The following GAL3ST2 variants were observed in gnomAD, a reference collection of about 807,000 sequenced individuals.
The protein encoded by GAL3ST2 is beta-galactose-3-O-sulfotransferase 2.
Under a neutral mutation model 12.9 loss-of-function variants are expected in GAL3ST2, and 16 were observed. That is an observed-to-expected ratio of 1.24 (90% CI 0.84 to 1.88). GAL3ST2 has a LOEUF of 1.88. Ranked by LOEUF, GAL3ST2 falls within the 40% of genes most tolerant of loss-of-function variation. GAL3ST2 has a pLI of 0.00. For missense variants in GAL3ST2, 639 were observed against 571.8 expected, an observed-to-expected ratio of 1.12 and a Z score of -1.20; for synonymous variants, 302 against 273.9, an observed-to-expected ratio of 1.10 and a Z score of -1.01.
chr2:241,776,910 G>T lies in GAL3ST2; in HGVS notation c.-46G>T, dbSNP rs979927461. Reference sequence around the variant, plus strand: ...GGGGCCGAGGCGGTGGGACCTCGGGGGAGCTCAAGCCTCGACTGTCCCCTC... The same window carrying T: ...GGGGCCGAGGCGGTGGGACCTCGGGTGAGCTCAAGCCTCGACTGTCCCCTC... On this transcript the variant is annotated 5_prime_UTR_variant, in exon 1 of 4. Transcript: ENST00000192314. The T allele has an allele frequency of 3.2e-5, 47 of 1,448,724 alleles. No homozygotes were observed. Among genetic ancestry groups the T allele is most frequent in the Non-Finnish European group, 4.2e-5 (46 of 1,088,918 alleles). 89.7% of individuals were successfully genotyped at this position (1,448,724 alleles called of 1,614,324 possible). A position where few individuals can be genotyped will look rare whatever the true frequency, so the allele number is the denominator to read the frequency against.
chr2:241,802,077 T>G lies in GAL3ST2; in HGVS notation c.375+41T>G, dbSNP rs1347172740. 6.4e-7 allele frequency: 1 copy of G among 1,561,016 alleles called. No homozygotes were observed. The highest frequency in any genetic ancestry group is 8.7e-7 in the Non-Finnish European group (1 of 1,153,118). On this transcript the variant is annotated intron_variant, in intron 3 of 3. Transcript: ENST00000192314. This position sits in a 1 kb window ranked among gnomAD's most constrained non-coding sequence, Gnocchi z 4.8. ...TGGGGAGGAGGGCGGGCTGCAGCCG[T>G]GCCTGTGGCTGTGGGTCTGGGTGGT... is the stretch of plus-strand genomic sequence containing the variant.
At position 241,804,089 on chromosome 2, in the gene GAL3ST2, C is replaced by G. The variant is rs1307324679; in HGVS notation, c.1120C>G (p.Leu374Val). Residue 374 changes from leucine (L) to valine (V), a missense_variant, in exon 4 of 4, where the codon CTC becomes GTC. Leu to Val is a conservative substitution (Grantham distance 32). Transcript: ENST00000192314. ...GVCQRLVMPE[L>V]QYMARLYALQ... The stretch of plus-strand genomic sequence containing the variant: ...GTGCCAGAGGCTTGTGATGCCTGAG[C>G]TCCAGTACATGGCCCGCCTGTACGC... 33 of 1,536,714 alleles carry G rather than the reference C, an allele frequency of 2.1e-5. No homozygotes were observed. Among genetic ancestry groups the G allele is most frequent in the Non-Finnish European group, 2.7e-5 (31 of 1,141,934 alleles).
Position 241,800,272 on chromosome 2 carries a change from A to C in GAL3ST2, c.119+1118A>C, listed in dbSNP as rs1276382082. On this transcript the variant is annotated intron_variant, in intron 2 of 3. Coordinates refer to ENST00000192314, the MANE Select transcript of GAL3ST2 (RefSeq NM_022134.3). This position sits in a 1 kb window ranked among gnomAD's most constrained non-coding sequence, Gnocchi z 5.2. The stretch of plus-strand genomic sequence containing the variant: ...TGTGGAGAGGACACTTTGTTTCTTA[A>C]AAAGTGTGGACATCCCACAGGCTGG... Among the ~76,000 whole-genome samples, 1 of 150,210 alleles carries C rather than the reference A, an allele frequency of 6.7e-6. No homozygotes were observed. Among genetic ancestry groups the C allele is most frequent in the Non-Finnish European group, 1.5e-5 (1 of 67,940 alleles).
rs770453961 is a variant in GAL3ST2, at chr2:241,801,780, G to C, written c.120-1G>C. On this transcript the variant is annotated splice_acceptor_variant, in intron 2 of 3. Transcript: ENST00000192314. LOFTEE classifies it high-confidence loss of function. This position sits in a 1 kb window ranked among gnomAD's most constrained non-coding sequence, Gnocchi z 4.4. ...AAGGCTGCGTGTGCCTTCCCTCCCA[G>C]CCTGTTTGGGGGCCAGGCTGAGGGG... 1 of 1,612,038 alleles carries C rather than the reference G, an allele frequency of 6.2e-7. No homozygotes were observed. Among genetic ancestry groups the C allele is most frequent in the Admixed American group, 1.7e-5 (1 of 60,000 alleles).
rs1484110363 is a variant in GAL3ST2 at position 241,802,733 on chromosome 2, A to C, written c.376-612A>C. On this transcript the variant is annotated intron_variant, in intron 3 of 3. Coordinates refer to ENST00000192314, the MANE Select transcript of GAL3ST2 (RefSeq NM_022134.3). This position sits in a 1 kb window ranked among gnomAD's most constrained non-coding sequence, Gnocchi z 4.8. The stretch of plus-strand genomic sequence containing the variant: ...TCTCTCCCTGGGTTTCTGAGGATGG[A>C]GAAGCAGGCGGTGTAGTTGGGCGTG... Among the ~76,000 whole-genome samples the C allele has an allele frequency of 6.6e-6, 1 of 151,944 alleles. No homozygotes were observed. Among genetic ancestry groups the C allele is most frequent in the Non-Finnish European group, 1.5e-5 (1 of 67,960 alleles).
intron 1 of GAL3ST2, among the ~76,000 whole-genome samples, chr2:241,780,596 G>A (rs1367360650): frequency 6.6e-6 from 1 of 152,162 alleles, no homozygotes; most frequent in Non-Finnish European, 1.5e-5. Context: ...ACAAGTCATG[G>A]TAGGACTGGT....
chr2:241,793,561 G>A lies in GAL3ST2; in HGVS notation c.30-5504G>A, dbSNP rs1699728815. Among the ~76,000 whole-genome samples the A allele has an allele frequency of 6.6e-6, 1 of 151,696 alleles. No homozygotes were observed. The highest frequency in any genetic ancestry group is 1.9e-4 in the East Asian group (1 of 5,174). On this transcript the variant is annotated intron_variant, in intron 1 of 3. Transcript: ENST00000192314. The surrounding 1 kb of genome is among the most constrained non-coding windows in gnomAD (Gnocchi z 4.7). ...TGTATGTGTGTATATGTATGTATGT[G>A]TATATGTGTGCGTATATGTGTATGT... is the stretch of plus-strand genomic sequence containing the variant.
At chr2:241,794,910 TTTAA>T (rs1699752116) in intron 1 of GAL3ST2, among the ~76,000 whole-genome samples, 1 of 152,212 alleles carries the variant, frequency 6.6e-6, no homozygotes, top group East Asian at 1.9e-4. Context: ...CTTGAACATT[TTTAA>T]TTGATTTTTT....
intron 1 of GAL3ST2, among the ~76,000 whole-genome samples, chr2:241,794,562 C>A (rs1001175801): frequency 1.3e-5 from 2 of 152,234 alleles, no homozygotes; most frequent in African/African-American, 2.4e-5. Context: ...CCAACCTGCC[C>A]AGAGCTGGAA....
intron 1 of GAL3ST2, among the ~76,000 whole-genome samples, chr2:241,792,685 CAG>C (rs1699708593): frequency 6.6e-6 from 1 of 151,974 alleles, no homozygotes; most frequent in Admixed American, 6.6e-5. Flanking sequence ...AACCTGGGAC[CAG>C]AGACTCATTT....
chr2:241,781,453 C>A (rs896033504), intron 1 of GAL3ST2, among the ~76,000 whole-genome samples: 5 of 152,020 alleles, frequency 3.3e-5, no homozygotes, highest in African/African-American at 9.7e-5. Flanking sequence ...ATTATAAAAC[C>A]ACCGTAAAGA....
intron 1 of GAL3ST2, among the ~76,000 whole-genome samples, chr2:241,785,341 T>C (rs1699615627): frequency 6.6e-6 from 1 of 152,014 alleles, no homozygotes; most frequent in South Asian, 2.1e-4. Flanking sequence ...CACCTGAGGT[T>C]AGGAGTTCGA....
Position 241,803,434 on chromosome 2 carries a change from A to C in GAL3ST2, c.465A>C (p.Lys155Asn). Residue 155 changes from lysine (K) to asparagine (N), a missense_variant, in exon 4 of 4, where the codon AAA becomes AAC. Transcript: ENST00000192314. ...TGGAGTCCTCCTTCATCTACTACAA[A>C]ACCTACGCCCCCGCCTTCCGGGGCG... ...FQLESSFIYY[K>N]TYAPAFRGAP... 1 of 1,612,134 alleles carries C rather than the reference A, an allele frequency of 6.2e-7. No homozygotes were observed.
chr2:241,800,311 G>A lies in GAL3ST2; in HGVS notation c.119+1157G>A, dbSNP rs796362113. Among the ~76,000 whole-genome samples the A allele has an allele frequency of 2.0e-5, 3 of 150,244 alleles. No individual in the cohort carries two copies. Among genetic ancestry groups the A allele is most frequent in the South Asian group, 2.2e-4 (1 of 4,498 alleles). On this transcript the variant is annotated intron_variant, in intron 2 of 3. Coordinates refer to ENST00000192314, the MANE Select transcript of GAL3ST2 (RefSeq NM_022134.3). The surrounding 1 kb of genome is among the most constrained non-coding windows in gnomAD (Gnocchi z 5.2). ...CCCACAGGCTGGGAGCACAGCCGCC[G>A]ACCCAGGCTGGGAGCACAGCCGCCG...
Position 241,799,244 on chromosome 2 carries a change from C to A in GAL3ST2, c.119+90C>A, listed in dbSNP as rs143973937. ...TGGGACCCCAGCATGATCACGCCCC[C>A]CACTGGGCCTGTCTCCCTCTGGAAG... is the stretch of plus-strand genomic sequence containing the variant. On this transcript the variant is annotated intron_variant, in intron 2 of 3. Coordinates refer to ENST00000192314, the MANE Select transcript of GAL3ST2 (RefSeq NM_022134.3). 4.1e-4 allele frequency: 459 copies of A among 1,123,840 alleles called. 2 individuals carry two copies. In the African/African-American group the frequency reaches 6.0e-3, roughly 15 times the overall value. 69.6% of individuals were successfully genotyped at this position (1,123,840 alleles called of 1,614,324 possible). A position where few individuals can be genotyped will look rare whatever the true frequency, so the allele number is the denominator to read the frequency against.
chr2:241,799,518 G>C (rs1699817211), intron 2 of GAL3ST2, among the ~76,000 whole-genome samples: 1 of 152,198 alleles, frequency 6.6e-6, no homozygotes, highest in Non-Finnish European at 1.5e-5. Flanking sequence ...ACCGTGCTCA[G>C]GACAGACCTT....
In GAL3ST2 at chr2:241,804,250, G is replaced by T; in HGVS notation, c.*84G>T. 3 of 1,205,580 alleles carry T rather than the reference G, an allele frequency of 2.5e-6. No individual in the cohort carries two copies. The highest frequency in any genetic ancestry group is 3.3e-6 in the Non-Finnish European group (3 of 920,696). 74.7% of individuals were successfully genotyped at this position (1,205,580 alleles called of 1,614,324 possible). A position where few individuals can be genotyped will look rare whatever the true frequency, so the allele number is the denominator to read the frequency against. On this transcript the variant is annotated 3_prime_UTR_variant, in exon 4 of 4. Transcript: ENST00000192314. The stretch of plus-strand genomic sequence containing the variant: ...CGGGGAGGCCGGGGATCCTTGCAGG[G>T]CTTCTGGGGCGTTGGGAAACCCAGG...
In GAL3ST2 at chr2:241,793,659, T is replaced by A. The variant is rs1282003394; in HGVS notation, c.30-5406T>A. On this transcript the variant is annotated intron_variant, in intron 1 of 3. Transcript: ENST00000192314. The surrounding 1 kb of genome is among the most constrained non-coding windows in gnomAD (Gnocchi z 4.7). Reference sequence around the variant, plus strand: ...TGTGTGTACATATTGTGTATGCATATGTGTGTGTATGCACATATTGTGTAT... The same window carrying A: ...TGTGTGTACATATTGTGTATGCATAAGTGTGTGTATGCACATATTGTGTAT... Among the ~76,000 whole-genome samples the A allele has an allele frequency of 1.4e-5, 2 of 143,492 alleles. No individual in the cohort carries two copies. Among genetic ancestry groups the A allele is most frequent in the African/African-American group, 5.2e-5 (2 of 38,512 alleles). 94.1% of individuals were successfully genotyped at this position (143,492 alleles called of 152,430 possible). A position where few individuals can be genotyped will look rare whatever the true frequency, so the allele number is the denominator to read the frequency against.
chr2:241,801,927 G>C lies in GAL3ST2; in HGVS notation c.266G>C (p.Arg89Pro), dbSNP rs1343893552. 1 of 1,612,882 alleles carries C rather than the reference G, an allele frequency of 6.2e-7. No homozygotes were observed. The highest frequency in any genetic ancestry group is 8.5e-7 in the Non-Finnish European group (1 of 1,179,954). Residue 89 changes from arginine to proline, a missense_variant, in exon 3 of 4, where the codon CGC (arginine) becomes CCC (proline). Transcript: ENST00000192314. This position sits in a 1 kb window ranked among gnomAD's most constrained non-coding sequence, Gnocchi z 4.4. ...TCCGTGGCGCTGCCCGCCGGCTCACGCGTCCACCTGGGCTACCCCTGGCTC... is the reference window on the plus strand; with the variant it reads ...TCCGTGGCGCTGCCCGCCGGCTCACCCGTCCACCTGGGCTACCCCTGGCTC... ...NLSVALPAGS[R>P]VHLGYPWLFL...
Sources: allele counts gnomAD v4.1 joint callset (sites outside exome capture counted in the v4.1 genomes callset), GRCh38; gene constraint gnomAD v4.1.1; non-coding constraint Gnocchi (gnomAD v3.1); transcripts MANE v1.5; gene names NCBI Gene and HGNC (gene_info 2026-07-23, HGNC 2026-07-21).